Variants in GPC6 observed in about 807,000 individuals in gnomAD.
The protein encoded by GPC6 is glypican-6.
In GPC6, 14 loss-of-function variants were observed where a neutral mutation model predicts 55.2. The observed-to-expected ratio is 0.25, with a 90% CI of 0.17 to 0.40. The LOEUF (loss-of-function observed/expected upper bound fraction) is 0.40. Ranked by LOEUF, GPC6 falls within the 10% of genes least tolerant of loss-of-function variation. The probability of loss-of-function intolerance (pLI) is 1.00; values close to 1 mark genes in which losing one functional copy is unlikely to be tolerated. For synonymous variants in GPC6, 278 were observed against 259.6 expected (o/e 1.07, Z -0.68); for missense variants, 641 against 708.5 (o/e 0.90, Z 1.08).
intron 7 of GPC6, among the ~76,000 whole-genome samples, chr13:94,383,556 C>T (rs894183901): frequency 6.6e-6 from 1 of 152,158 alleles, no homozygotes; most frequent in Admixed American, 6.5e-5. Flanking sequence ...CATTGTGAAA[C>T]CATGTCTCTA....
intron 1 of GPC6, among the ~76,000 whole-genome samples, chr13:93,480,708 G>A (rs1379124414): frequency 6.6e-6 from 1 of 152,114 alleles, no homozygotes; most frequent in Non-Finnish European, 1.5e-5. Context: ...TGTCTCTATA[G>A]ATTTGTATAT....
intron 4 of GPC6, among the ~76,000 whole-genome samples, chr13:94,212,504 A>G (rs1411737583): frequency 6.6e-6 from 1 of 152,224 alleles, no homozygotes; most frequent in African/African-American, 2.4e-5. Flanking sequence ...GCATTACCTA[A>G]AGGACATGGA....
intron 6 of GPC6, among the ~76,000 whole-genome samples, chr13:94,355,055 C>T (rs1878727444): frequency 1.3e-5 from 2 of 150,056 alleles, no homozygotes; most frequent in Non-Finnish European, 3.0e-5. Context: ...CAGAGTCTCA[C>T]TCTTGTTGCC....
chr13:94,258,186 C>A (rs768352079), intron 4 of GPC6, among the ~76,000 whole-genome samples: 5 of 152,118 alleles, frequency 3.3e-5, no homozygotes, highest in African/African-American at 4.8e-5. Flanking sequence ...TTTTCTAGAA[C>A]ATGTCTTTAC....
At chr13:93,402,357 T>A (rs1278673198) in intron 1 of GPC6, among the ~76,000 whole-genome samples, 1 of 152,164 alleles carries the variant, frequency 6.6e-6, no homozygotes, top group Non-Finnish European at 1.5e-5. Context: ...ACTCAGTGTT[T>A]GTAGCACGCC....
chr13:94,134,684 A>G (rs1027265391), intron 4 of GPC6, among the ~76,000 whole-genome samples: 9 of 152,172 alleles, frequency 5.9e-5, no homozygotes, highest in African/African-American at 7.2e-5. Flanking sequence ...CATATTCATC[A>G]TCTTAGCAGA....
intron 1 of GPC6, among the ~76,000 whole-genome samples, chr13:93,272,345 A>G (rs1334685054): frequency 6.6e-6 from 1 of 151,842 alleles, no homozygotes; most frequent in Non-Finnish European, 1.5e-5. Flanking sequence ...TGATATATAA[A>G]TTTATTTTAC....
At chr13:94,050,946 G>A (rs981395224) in intron 4 of GPC6, among the ~76,000 whole-genome samples, 1 of 152,106 alleles carries the variant, frequency 6.6e-6, no homozygotes, top group African/African-American at 2.4e-5. Flanking sequence ...TTGGTCATGA[G>A]CTGAACCAGG....
At chr13:94,324,330 A>AG (rs1876997508) in intron 6 of GPC6, among the ~76,000 whole-genome samples, 1 of 150,438 alleles carries the variant, frequency 6.6e-6, no homozygotes. Context: ...AAAAAAAAAA[A>AG]CTCAAGCCAG....
intron 3 of GPC6, among the ~76,000 whole-genome samples, chr13:93,871,488 T>C (rs1229670383): frequency 6.6e-6 from 1 of 151,970 alleles, no homozygotes; most frequent in African/African-American, 2.4e-5. Context: ...TCTGTGCTCA[T>C]CGTCTTTTCC....
intron 3 of GPC6, among the ~76,000 whole-genome samples, chr13:93,860,656 A>G (rs139118428): frequency 1.9e-4 from 29 of 151,532 alleles, no homozygotes; most frequent in Middle Eastern, 3.4e-3. Context: ...TTGCCTTACA[A>G]TTTTTTTCTG....
intron 2 of GPC6, among the ~76,000 whole-genome samples, chr13:93,715,215 GC>G (rs947048099): frequency 6.6e-6 from 1 of 151,606 alleles, no homozygotes; most frequent in Non-Finnish European, 1.5e-5. Context: ...CAACTTAGAT[GC>G]CCATCAACGG....
chr13:93,978,204 G>A (rs1880610294), intron 3 of GPC6, among the ~76,000 whole-genome samples: 1 of 152,174 alleles, frequency 6.6e-6, no homozygotes, highest in African/African-American at 2.4e-5. Context: ...AAACAATGAA[G>A]CAGATTCTCC....
chr13:93,655,079 C>T (rs1299220918), intron 2 of GPC6, among the ~76,000 whole-genome samples: 5 of 142,668 alleles, frequency 3.5e-5, no homozygotes, highest in Non-Finnish European at 7.5e-5. Context: ...TCGATCTCCT[C>T]GCCTCGTGAT....
intron 2 of GPC6, among the ~76,000 whole-genome samples, chr13:93,636,927 GTTT>G (rs11299933): frequency 6.2e-5 from 9 of 145,164 alleles, no homozygotes; most frequent in African/African-American, 2.3e-4. Flanking sequence ...TAATGGTATA[GTTT>G]TTTTTTTTTT....
chr13:94,246,440 G>T (rs553292874), intron 4 of GPC6, among the ~76,000 whole-genome samples: 2 of 152,184 alleles, frequency 1.3e-5, no homozygotes, highest in East Asian at 1.9e-4. Context: ...GCCAAAGCCA[G>T]TGTCAAGGAG....
intron 3 of GPC6, among the ~76,000 whole-genome samples, chr13:93,978,352 G>A (rs956580588): frequency 1.1e-4 from 16 of 152,108 alleles, no homozygotes; most frequent in African/African-American, 2.9e-4. Flanking sequence ...ATGAATAGCC[G>A]AGGTTTTATA....
intron 2 of GPC6, among the ~76,000 whole-genome samples, chr13:93,729,541 C>T (rs541217637): frequency 6.6e-6 from 1 of 152,156 alleles, no homozygotes; most frequent in African/African-American, 2.4e-5. Context: ...AACATTATGT[C>T]TTTCAAGGTA....
intron 2 of GPC6, among the ~76,000 whole-genome samples, chr13:93,633,899 A>G (rs1282074687): frequency 1.3e-5 from 2 of 152,078 alleles, no homozygotes; most frequent in East Asian, 3.9e-4. Flanking sequence ...AGGAGTTAGG[A>G]CCTTACAGTT....
Sources: allele counts gnomAD v4.1 joint callset (sites outside exome capture counted in the v4.1 genomes callset), GRCh38; gene constraint gnomAD v4.1.1; transcripts MANE v1.5; gene names NCBI Gene and HGNC (gene_info 2026-07-23, HGNC 2026-07-21).